SH3RF3: variants seen among roughly 807,000 people sequenced by gnomAD.
SH3RF3 encodes the protein SH3 domain containing ring finger 3, also known as E3 ubiquitin-protein ligase SH3RF3.
Under a neutral mutation model 66.3 loss-of-function variants are expected in SH3RF3, and 29 were observed. That is an observed-to-expected ratio of 0.44 (90% CI 0.33 to 0.60). The LOEUF is 0.60. SH3RF3 is among the 20% of genes least tolerant of loss of function. The pLI is 0.04. For missense variants in SH3RF3, 1,194 were observed against 1,190.9 expected (o/e 1.00, Z -0.04); for synonymous variants, 583 against 532.0 (o/e 1.10, Z -1.32).
At chr2:109,478,736 G>T (rs570843179) in intron 8 of SH3RF3, among the ~76,000 whole-genome samples, 14 of 152,302 alleles carry the variant, frequency 9.2e-5, no homozygotes, top group Middle Eastern at 6.8e-3. Context: ...AGATCTTCTT[G>T]CTCAGAGGCC....
At chr2:109,233,914 A>G (rs1679581414) in intron 1 of SH3RF3, among the ~76,000 whole-genome samples, 1 of 152,190 alleles carries the variant, frequency 6.6e-6, no homozygotes, top group Non-Finnish European at 1.5e-5. Context: ...ATAATATTCC[A>G]TCATATGGAG....
chr2:109,129,759 C>T lies in SH3RF3; in HGVS notation c.219C>T (p.Cys73=). 1 of 1,539,566 alleles carries T rather than the reference C, an allele frequency of 6.5e-7. No homozygotes were observed. Among genetic ancestry groups the T allele is most frequent in the Non-Finnish European group, 8.7e-7 (1 of 1,145,262 alleles). The change falls in exon 1 of 10, where the codon TGC becomes TGT. Residue 73 remains cysteine, a synonymous_variant. Transcript: ENST00000309415. ...ACACCACGGCCAAGGTGCTGCCATG[C>T]CAACACACTTTCTGCCGCCGCTGCC... ...RLDTTAKVLP[C]QHTFCRRCLE...
intron 1 of SH3RF3, among the ~76,000 whole-genome samples, chr2:109,299,088 G>T (rs890343505): frequency 6.6e-6 from 1 of 152,132 alleles, no homozygotes; most frequent in African/African-American, 2.4e-5. Flanking sequence ...CAAGCCACTG[G>T]GCAGGCTCCC....
chr2:109,408,944 C>T (rs1187505287), intron 4 of SH3RF3, among the ~76,000 whole-genome samples: 1 of 152,208 alleles, frequency 6.6e-6, no homozygotes, highest in Non-Finnish European at 1.5e-5. Flanking sequence ...CCATCCACGG[C>T]TCTTCCTGAT....
intron 8 of SH3RF3, among the ~76,000 whole-genome samples, chr2:109,455,081 G>A (rs1678002200): frequency 6.6e-6 from 1 of 152,144 alleles, no homozygotes; most frequent in Admixed American, 6.5e-5. Context: ...AGACTTGCCT[G>A]GGGCCACACA....
intron 1 of SH3RF3, among the ~76,000 whole-genome samples, chr2:109,173,343 A>C (rs1402943176): frequency 6.6e-6 from 1 of 152,146 alleles, no homozygotes. Flanking sequence ...TCTGCCCGTT[A>C]TCAACCGAGC....
At chr2:109,239,201 G>C (rs1003438751) in intron 1 of SH3RF3, among the ~76,000 whole-genome samples, 2 of 152,030 alleles carry the variant, frequency 1.3e-5, no homozygotes, top group African/African-American at 4.8e-5. Flanking sequence ...CCTGCACAGT[G>C]CTCCGAAAAG....
At chr2:109,392,246 G>A (rs1224503850) in intron 3 of SH3RF3, among the ~76,000 whole-genome samples, 2 of 152,188 alleles carry the variant, frequency 1.3e-5, no homozygotes, top group East Asian at 1.9e-4. Flanking sequence ...AGCAAGAGGG[G>A]AAGGGCCTCC....
At chr2:109,365,560 C>A (rs142656739) in intron 2 of SH3RF3, among the ~76,000 whole-genome samples, 1 of 152,052 alleles carries the variant, frequency 6.6e-6, no homozygotes, top group Admixed American at 6.5e-5. Context: ...CAGCTTCTTA[C>A]GTTCTAGACT....
intron 8 of SH3RF3, among the ~76,000 whole-genome samples, chr2:109,457,290 G>A (rs113483380): frequency 3.9e-5 from 6 of 152,266 alleles, no homozygotes; most frequent in East Asian, 3.9e-4. Flanking sequence ...TTATATCCCC[G>A]AGGCTTCTCT....
At chr2:109,462,021 C>T (rs1029376327) in intron 8 of SH3RF3, among the ~76,000 whole-genome samples, 1 of 151,974 alleles carries the variant, frequency 6.6e-6, no homozygotes, top group East Asian at 1.9e-4. Context: ...CCCCACACCA[C>T]CAAACCCCTA....
At chr2:109,167,422 A>G (rs1448442018) in intron 1 of SH3RF3, among the ~76,000 whole-genome samples, 1 of 152,160 alleles carries the variant, frequency 6.6e-6, no homozygotes, top group Non-Finnish European at 1.5e-5. Context: ...GAAGGTTTAT[A>G]TCCTGGCAAG....
Position 109,180,615 on chromosome 2 carries a change from G to A in SH3RF3, c.573+50502G>A, listed in dbSNP as rs559211970. Among the ~76,000 whole-genome samples the A allele has an allele frequency of 3.5e-4, 53 of 152,248 alleles. 2 individuals carry two copies. In the South Asian group the frequency reaches 0.01, roughly 29 times the overall value. ...TCTTGTGGTAGTAAATAAGTCTCAC[G>A]AGATCTGATGATTTTATAAGGAGAA... On this transcript the variant is annotated intron_variant, in intron 1 of 9. Transcript: ENST00000309415.
At chr2:109,185,202 TA>T (rs1394883911) in intron 1 of SH3RF3, among the ~76,000 whole-genome samples, 2 of 152,258 alleles carry the variant, frequency 1.3e-5, no homozygotes, top group Non-Finnish European at 2.9e-5. Flanking sequence ...AAAGGGTGGT[TA>T]TTTTTCCGTA....
chr2:109,387,936 C>G (rs1015707532), intron 3 of SH3RF3, among the ~76,000 whole-genome samples: 3 of 152,080 alleles, frequency 2.0e-5, no homozygotes, highest in Non-Finnish European at 4.4e-5. Flanking sequence ...CCACACTGGC[C>G]CAGATTCCCA....
intron 1 of SH3RF3, among the ~76,000 whole-genome samples, chr2:109,345,311 T>C (rs1682659528): frequency 6.6e-6 from 1 of 152,050 alleles, no homozygotes; most frequent in Non-Finnish European, 1.5e-5. Flanking sequence ...GGAAACACAG[T>C]GTCCCCTTCT....
chr2:109,193,400 C>A (rs1248847151), intron 1 of SH3RF3, among the ~76,000 whole-genome samples: 1 of 152,116 alleles, frequency 6.6e-6, no homozygotes, highest in Non-Finnish European at 1.5e-5. Context: ...AATCATAGAC[C>A]ATTTTTATCA....
intron 4 of SH3RF3, among the ~76,000 whole-genome samples, chr2:109,414,151 C>G (rs1676665189): frequency 1.3e-5 from 2 of 152,196 alleles, no homozygotes; most frequent in African/African-American, 4.8e-5. Context: ...CAGATGGGGC[C>G]AGGGCATGCT....
At chr2:109,285,029 C>T (rs899636014) in intron 1 of SH3RF3, among the ~76,000 whole-genome samples, 2 of 152,214 alleles carry the variant, frequency 1.3e-5, no homozygotes, top group African/African-American at 2.4e-5. Context: ...TGCGCTGTGC[C>T]GCGGGGCCTC....
Sources: allele counts gnomAD v4.1 joint callset (sites outside exome capture counted in the v4.1 genomes callset), GRCh38; gene constraint gnomAD v4.1.1; transcripts MANE v1.5; gene names NCBI Gene and HGNC (gene_info 2026-07-23, HGNC 2026-07-21).